The following SPRYD3 variants were observed in gnomAD, a reference collection of about 807,000 sequenced individuals.
SPRYD3 encodes SPRY domain-containing protein 3.
In SPRYD3, 17 loss-of-function variants were observed where a neutral mutation model predicts 50.1. The ratio of observed to expected loss-of-function variants is 0.34; its 90% CI spans 0.23 to 0.51. The LOEUF (loss-of-function observed/expected upper bound fraction) is 0.51, where lower values mean the gene tolerates loss of function less well. Ranked by LOEUF, SPRYD3 falls within the 20% of genes least tolerant of loss-of-function variation. The pLI, the probability that SPRYD3 is intolerant of heterozygous loss-of-function variation, is 0.97. For missense variants in SPRYD3, 401 were observed against 591.2 expected (o/e 0.68, Z 3.34); for synonymous variants, 198 against 215.5 (o/e 0.92, Z 0.71).
At chr12:53,076,037 C>G (rs1048238870) in intron 2 of SPRYD3, among the ~76,000 whole-genome samples, 9 of 152,188 alleles carry the variant, frequency 5.9e-5, no homozygotes, top group Admixed American at 4.6e-4. Flanking sequence ...CCAGTGCAAG[C>G]CTGGTTTCTT....
At chr12:53,073,888 C>T (rs1173339887) in intron 5 of SPRYD3, among the ~76,000 whole-genome samples, 1 of 149,842 alleles carries the variant, frequency 6.7e-6, no homozygotes, top group Non-Finnish European at 1.5e-5. Flanking sequence ...TTATCACACA[C>T]ACTGACAGAT....
In SPRYD3 at chr12:53,065,396, G is replaced by A. The variant is rs955602003; in HGVS notation, c.*436C>T. On this transcript the variant is annotated 3_prime_UTR_variant, in exon 11 of 11. Coordinates refer to ENST00000301463, the MANE Select transcript of SPRYD3 (RefSeq NM_032840.3). ...TTCACACAACCAGGAAAGAAAACAA[G>A]AAAGAGGAATTCAAGGAGAAATACC... is the stretch of plus-strand genomic sequence containing the variant. 6.4e-6 allele frequency: 1 copy of A among 157,476 alleles called. No homozygotes were observed. The highest frequency in any genetic ancestry group is 2.4e-5 in the African/African-American group (1 of 41,624). 9.8% of individuals were successfully genotyped at this position (157,476 alleles called of 1,614,324 possible). A position where few individuals can be genotyped will look rare whatever the true frequency, so the allele number is the denominator to read the frequency against.
Position 53,079,272 on chromosome 12 carries a change from T to C in SPRYD3, c.23+39A>G. 1.3e-6 allele frequency: 2 copies of C among 1,588,596 alleles called. 1 individual carries two copies. The highest frequency in any genetic ancestry group is 2.3e-5 in the South Asian group (2 of 88,156). Reference sequence around the variant, plus strand: ...CCTTCCGCTTCAGGCTCCGGGGAGATACGAGGCCTCCGGGACCCCGCCCCC... The same window carrying C: ...CCTTCCGCTTCAGGCTCCGGGGAGACACGAGGCCTCCGGGACCCCGCCCCC... On this transcript the variant is annotated intron_variant, in intron 1 of 10. Coordinates refer to ENST00000301463, the MANE Select transcript of SPRYD3 (RefSeq NM_032840.3).
At chr12:53,071,723 T>TAAAA (rs60600870) in intron 6 of SPRYD3, among the ~76,000 whole-genome samples, 1 of 104,490 alleles carries the variant, frequency 9.6e-6, no homozygotes, top group African/African-American at 3.8e-5. Context: ...TAGCCTGTCT[T>TAAAA]AAAAAAAAAA....
chr12:53,076,388 G>A (rs1344991150), intron 2 of SPRYD3, among the ~76,000 whole-genome samples: 2 of 152,202 alleles, frequency 1.3e-5, no homozygotes, highest in Admixed American at 1.3e-4. Flanking sequence ...ACAAGCTAAG[G>A]GGCTGGAAAT....
At chr12:53,078,910 C>T (rs1944610771) in intron 1 of SPRYD3, among the ~76,000 whole-genome samples, 2 of 152,192 alleles carry the variant, frequency 1.3e-5, no homozygotes, top group Admixed American at 1.3e-4. Flanking sequence ...TACAACCCAC[C>T]ACGTGGCCCA....
At chr12:53,067,791 A>T in intron 7 of SPRYD3, 86 bp from the exon 8 acceptor site, 1 of 1,259,548 alleles carries the variant, frequency 7.9e-7, no homozygotes, top group Non-Finnish European at 1.2e-6. Context: ...AACCTCTGGG[A>T]CAGACCACAG....
intron 5 of SPRYD3, 63 bp from the exon 6 acceptor site, chr12:53,073,534 C>A: frequency 7.4e-7 from 1 of 1,357,132 alleles, no homozygotes; most frequent in South Asian, 1.4e-5. Context: ...ACCTAATTCT[C>A]ACAAGGGTAC....
At chr12:53,075,904 C>T (rs182994564) in intron 2 of SPRYD3, 93 bp from the exon 3 acceptor site, 10 of 948,344 alleles carry the variant, frequency 1.1e-5, no homozygotes, top group Non-Finnish European at 1.7e-5. Flanking sequence ...CTGCAAGGGC[C>T]AGCACACAGG....
At chr12:53,068,019 G>T in intron 7 of SPRYD3, 136 bp downstream of exon 7, 1 of 967,282 alleles carries the variant, frequency 1.0e-6, no homozygotes, top group Non-Finnish European at 1.6e-6. Context: ...ACATACAACT[G>T]TGTTCCATCT....
intron 2 of SPRYD3, 72 bp downstream of exon 2, chr12:53,077,041 TAA>T (rs376607939): frequency 1.1e-4 from 120 of 1,130,812 alleles, no homozygotes; most frequent in Non-Finnish European, 1.2e-4. Context: ...AAATAAAAGT[TAA>T]AAAAAAAAAA....
chr12:53,078,109 G>A (rs1383617428), intron 1 of SPRYD3: 8 of 454,700 alleles, frequency 1.8e-5, no homozygotes, highest in Admixed American at 9.4e-5. Flanking sequence ...AGTCTGGCAG[G>A]TCAAGGCTGC....
intron 3 of SPRYD3, 42 bp downstream of exon 3, chr12:53,075,694 C>T (rs143694003): frequency 1.3e-6 from 2 of 1,507,484 alleles, no homozygotes; most frequent in East Asian, 2.3e-5. Flanking sequence ...GATCTCACCC[C>T]CAAGCTCACC....
At chr12:53,066,039 A>G (rs1341393470) in intron 10 of SPRYD3, 73 bp from the exon 11 acceptor site, 2 of 1,544,916 alleles carry the variant, frequency 1.3e-6, no homozygotes, top group African/African-American at 1.4e-5. Context: ...GGAGCTCCAC[A>G]GGCCTGAACC....
chr12:53,074,979 C>G lies in SPRYD3; in HGVS notation c.371+116G>C. The G allele has an allele frequency of 6.8e-7, 1 of 1,472,614 alleles. No individual in the cohort carries two copies. The highest frequency in any genetic ancestry group is 2.3e-5 in the East Asian group (1 of 43,794). 91.2% of individuals were successfully genotyped at this position (1,472,614 alleles called of 1,614,324 possible). On this transcript the variant is annotated intron_variant, in intron 4 of 10. Coordinates refer to ENST00000301463, the MANE Select transcript of SPRYD3 (RefSeq NM_032840.3). This position sits in a 1 kb window ranked among gnomAD's most constrained non-coding sequence, Gnocchi z 4.6. ...GGTGCTGCCAGGCCACTTCCCTGTCCTGACCAGAAAAGTCTATGAAACACC... is the reference window on the plus strand; with the variant it reads ...GGTGCTGCCAGGCCACTTCCCTGTCGTGACCAGAAAAGTCTATGAAACACC...
At chr12:53,078,227 G>A (rs143715865) in intron 1 of SPRYD3, 78 of 357,554 alleles carry the variant, frequency 2.2e-4, no homozygotes, top group African/African-American at 1.4e-3. Flanking sequence ...GGTGGCTCAC[G>A]TCTGTGATCC....
rs1295480913 is a variant in SPRYD3, at chr12:53,068,318, G to C, written c.694-14C>G. The stretch of plus-strand genomic sequence containing the variant: ...GTACTCCAGCAGCTGTGGGGGAAGA[G>C]CCAGATGGGGGTCAGGGGACAGGCT... On this transcript the variant is annotated splice_polypyrimidine_tract_variant and intron_variant, in intron 6 of 10. Coordinates refer to ENST00000301463, the MANE Select transcript of SPRYD3 (RefSeq NM_032840.3). 1 of 1,613,140 alleles carries C rather than the reference G, an allele frequency of 6.2e-7. No individual in the cohort carries two copies. The highest frequency in any genetic ancestry group is 1.3e-5 in the African/African-American group (1 of 74,942).
At chr12:53,067,109 CAAAAAAA>C (rs146264495) in intron 8 of SPRYD3, among the ~76,000 whole-genome samples, 9 of 61,052 alleles carry the variant, frequency 1.5e-4, no homozygotes, top group Non-Finnish European at 2.1e-4. Context: ...GACTCCATCT[CAAAAAAA>C]AAAAAAAAAA....
chr12:53,076,644 C>T (rs1166710584), intron 2 of SPRYD3, among the ~76,000 whole-genome samples: 1 of 152,190 alleles, frequency 6.6e-6, no homozygotes, highest in East Asian at 1.9e-4. Flanking sequence ...GAGGACAGAG[C>T]CACCCAGTGA....
Sources: gnomAD v4.1 joint callset for allele counts (sites outside exome capture counted in the v4.1 genomes callset) on GRCh38, gnomAD v4.1.1 for gene constraint, Gnocchi (gnomAD v3.1) non-coding constraint, MANE v1.5 for transcripts, NCBI Gene and HGNC (gene_info 2026-07-23, HGNC 2026-07-21) for gene names.